The following PLXNC1 variants were observed in gnomAD, a reference collection of about 807,000 sequenced individuals.
The protein encoded by PLXNC1 is plexin C1.
A neutral mutation model predicts 178.2 loss-of-function variants in PLXNC1; 75 were observed. That is an observed-to-expected ratio of 0.42 (90% CI 0.35 to 0.51). PLXNC1 has a LOEUF of 0.51. Among genes scored for constraint, PLXNC1 ranks in the 20% least tolerant of loss-of-function variants. The pLI is 0.02. For missense variants in PLXNC1, 1,503 were observed against 1,984.4 expected (o/e 0.76, Z 4.61); for synonymous variants, 790 against 779.9 (o/e 1.01, Z -0.22).
In PLXNC1 at chr12:94,148,818, G is replaced by T. The variant is rs1224014082; in HGVS notation, c.-154G>T. On this transcript the variant is annotated 5_prime_UTR_variant, in exon 1 of 31. Coordinates refer to ENST00000258526, the MANE Select transcript of PLXNC1 (RefSeq NM_005761.3). The surrounding 1 kb of genome is among the most constrained non-coding windows in gnomAD (Gnocchi z 4.8). ...GAGCCTGCCGCGCGCCGCCCTCCCC[G>T]CTCTCCTTCCTGGGCGAGCTGCGGG... 1 of 153,284 alleles carries T rather than the reference G, an allele frequency of 6.5e-6. No individual in the cohort carries two copies. The highest frequency in any genetic ancestry group is 1.4e-5 in the Non-Finnish European group (1 of 69,196). 9.5% of individuals were successfully genotyped at this position (153,284 alleles called of 1,614,324 possible). A position where few individuals can be genotyped will look rare whatever the true frequency, so the allele number is the denominator to read the frequency against.
chr12:94,231,747 G>A (rs1163931718), intron 9 of PLXNC1, among the ~76,000 whole-genome samples: 1 of 152,164 alleles, frequency 6.6e-6, no homozygotes, highest in African/African-American at 2.4e-5. Flanking sequence ...AAAGGCCAGT[G>A]TCTGACCGTC....
At chr12:94,256,584 G>A (rs1007858760) in intron 17 of PLXNC1, among the ~76,000 whole-genome samples, 1 of 152,050 alleles carries the variant, frequency 6.6e-6, no homozygotes, top group Non-Finnish European at 1.5e-5. Flanking sequence ...ATGACTGTGT[G>A]GGGCTTCTGC....
At chr12:94,258,284 T>C (rs920807506) in intron 17 of PLXNC1, among the ~76,000 whole-genome samples, 5 of 151,868 alleles carry the variant, frequency 3.3e-5, no homozygotes, top group African/African-American at 1.2e-4. Flanking sequence ...GGTCTGGGGG[T>C]TTTTTTGGTT....
chr12:94,232,009 A>T (rs1204871142), intron 9 of PLXNC1, among the ~76,000 whole-genome samples: 1 of 152,230 alleles, frequency 6.6e-6, no homozygotes, highest in African/African-American at 2.4e-5. Flanking sequence ...GAAATAAAGC[A>T]TACAAAGTCA....
At chr12:94,257,976 A>G (rs920458054) in intron 17 of PLXNC1, among the ~76,000 whole-genome samples, 1 of 151,750 alleles carries the variant, frequency 6.6e-6, no homozygotes, top group Non-Finnish European at 1.5e-5. Context: ...GTGAGCCGAG[A>G]TCACGCCACT....
At chr12:94,258,344 A>G (rs1964913020) in intron 17 of PLXNC1, among the ~76,000 whole-genome samples, 1 of 152,162 alleles carries the variant, frequency 6.6e-6, no homozygotes, top group Non-Finnish European at 1.5e-5. Flanking sequence ...TATGGCCAAA[A>G]TAGTTTCAGG....
At chr12:94,276,686 G>A (rs832514) in intron 21 of PLXNC1, among the ~76,000 whole-genome samples, 93,070 of 152,020 alleles carry the variant, frequency 0.61, 28,518 homozygotes, top group Middle Eastern at 0.68. Flanking sequence ...TCTAGAAAAG[G>A]GAGGTGAGGA....
In PLXNC1 at chr12:94,305,199, A is replaced by G. The variant is rs1215806699; in HGVS notation, c.4621A>G (p.Arg1541Gly). 1 of 1,607,624 alleles carries G rather than the reference A, an allele frequency of 6.2e-7. No homozygotes were observed. The highest frequency in any genetic ancestry group is 8.5e-7 in the Non-Finnish European group (1 of 1,175,150). ...TCAACAGATTCTAAATAAACTAGAA[A>G]GAGAACGAGGGCTGGAAGAAGCTCA... ...YFDEILNKLE[R>G]ERGLEEAQKQ... is the part of the protein sequence containing the mutation. Residue 1541 changes from arginine to glycine, a missense_variant, in exon 31 of 31, where the codon AGA becomes GGA. By Grantham distance (125) the Arg-to-Gly change is moderately radical. This residue lies in a region of PLXNC1 where 639 missense variants were observed against 979.7 expected (regional missense o/e 0.65). Coordinates refer to ENST00000258526, the MANE Select transcript of PLXNC1 (RefSeq NM_005761.3).
chr12:94,173,541 C>T (rs1207719401), intron 2 of PLXNC1, among the ~76,000 whole-genome samples: 1 of 152,102 alleles, frequency 6.6e-6, no homozygotes, highest in Non-Finnish European at 1.5e-5. Context: ...CTGGTTTAAT[C>T]CTTACCAGTC....
intron 9 of PLXNC1, chr12:94,227,529 G>A (rs973737306): frequency 1.1e-5 from 3 of 265,868 alleles, no homozygotes; most frequent in Non-Finnish European, 2.2e-5. Flanking sequence ...CTGGAAGGAA[G>A]TTTAGCATTC....
chr12:94,286,079 C>A (rs1966828904), intron 23 of PLXNC1, among the ~76,000 whole-genome samples: 1 of 152,228 alleles, frequency 6.6e-6, no homozygotes, highest in Non-Finnish European at 1.5e-5. Flanking sequence ...TCAGTCTTCA[C>A]TGCAGACATC....
At chr12:94,302,885 T>C (rs1169493504) in intron 28 of PLXNC1, among the ~76,000 whole-genome samples, 2 of 152,178 alleles carry the variant, frequency 1.3e-5, no homozygotes, top group African/African-American at 2.4e-5. Context: ...TTAATAATGT[T>C]TATTGAATGA....
In PLXNC1 at chr12:94,273,771, C is replaced by G. The variant is rs118029274; in HGVS notation, c.3598-5701C>G. On this transcript the variant is annotated intron_variant, in intron 21 of 30. Transcript: ENST00000258526. ...TCATCAATAGACGAATCTACCTCAGCATCCACAAAATGAGCTCTGGCAGTT... is the reference window on the plus strand; with the variant it reads ...TCATCAATAGACGAATCTACCTCAGGATCCACAAAATGAGCTCTGGCAGTT... Among the ~76,000 whole-genome samples the G allele has an allele frequency of 3.3e-5, 5 of 152,274 alleles. No individual in the cohort carries two copies. In the East Asian group the frequency reaches 9.6e-4, roughly 29 times the overall value.
At chr12:94,224,339 A>T (rs1373216246) in intron 7 of PLXNC1, 24 bp downstream of exon 7, 1 of 1,177,692 alleles carries the variant, frequency 8.5e-7, no homozygotes, top group Non-Finnish European at 1.3e-6. Context: ...TGAAATTTGA[A>T]TATTCTCTCG....
At position 94,297,307 on chromosome 12, in the gene PLXNC1, T is replaced by C; in HGVS notation, c.3967-9T>C. 1 of 1,613,224 alleles carries C rather than the reference T, an allele frequency of 6.2e-7. No individual in the cohort carries two copies. The highest frequency in any genetic ancestry group is 8.5e-7 in the Non-Finnish European group (1 of 1,179,170). ...TCCTTGGGTAACGCTTCTGCTGTCT[T>C]CCCTTCAGATTTTACCAGATTCGGA... On this transcript the variant is annotated splice_polypyrimidine_tract_variant and intron_variant, in intron 25 of 30. Coordinates refer to ENST00000258526, the MANE Select transcript of PLXNC1 (RefSeq NM_005761.3).
At chr12:94,191,978 G>A (rs1402488331) in intron 4 of PLXNC1, among the ~76,000 whole-genome samples, 6 of 152,212 alleles carry the variant, frequency 3.9e-5, no homozygotes, top group Admixed American at 3.9e-4. Context: ...GCAAAGCATA[G>A]CACATGTGTT....
At chr12:94,214,475 G>A (rs1963586293) in intron 5 of PLXNC1, among the ~76,000 whole-genome samples, 1 of 152,120 alleles carries the variant, frequency 6.6e-6, no homozygotes, top group Admixed American at 6.5e-5. Flanking sequence ...CCTGTCCACT[G>A]CAGTAATTCA....
At chr12:94,265,322 C>G in intron 21 of PLXNC1, 97 bp downstream of exon 21, 1 of 1,105,998 alleles carries the variant, frequency 9.0e-7, no homozygotes, top group South Asian at 1.6e-5. Context: ...GGTATCATCT[C>G]TACTGCGGGA....
At chr12:94,281,358 T>G (rs1966426575) in intron 22 of PLXNC1, among the ~76,000 whole-genome samples, 1 of 152,044 alleles carries the variant, frequency 6.6e-6, no homozygotes, top group South Asian at 2.1e-4. Context: ...CAGCAGAGAC[T>G]CAAAAACGCA....
Sources: allele counts gnomAD v4.1 joint callset (sites outside exome capture counted in the v4.1 genomes callset), GRCh38; gene constraint gnomAD v4.1.1; regional missense constraint gnomAD v4.1.1; non-coding constraint Gnocchi (gnomAD v3.1); transcripts MANE v1.5; gene names NCBI Gene and HGNC (gene_info 2026-07-23, HGNC 2026-07-21).